EVI5L: variants seen among roughly 807,000 people sequenced by gnomAD.
EVI5L encodes EVI5-like protein.
Under a neutral mutation model 106.1 loss-of-function variants are expected in EVI5L, and 30 were observed. That is an observed-to-expected ratio of 0.28 (90% CI 0.21 to 0.38). The LOEUF is 0.38. Ranked by LOEUF, EVI5L falls within the 10% of genes least tolerant of loss-of-function variation. The pLI is 1.00. For synonymous variants in EVI5L, 489 were observed against 483.3 expected, an observed-to-expected ratio of 1.01 and a Z score of -0.15; for missense variants, 809 against 1,098.0, an observed-to-expected ratio of 0.74 and a Z score of 3.72.
chr19:7,862,962 C>A lies in EVI5L; in HGVS notation c.1948-10C>A. On this transcript the variant is annotated splice_polypyrimidine_tract_variant and intron_variant, in intron 17 of 19. Transcript: ENST00000538904. Reference sequence around the variant, plus strand: ...CCCGCCCTCCTTTCCCCCCAATCCCCCGACCCCAGAGCAAGGAGGAGGTGA... The same window carrying A: ...CCCGCCCTCCTTTCCCCCCAATCCCACGACCCCAGAGCAAGGAGGAGGTGA... 6.5e-7 allele frequency: 1 copy of A among 1,547,512 alleles called. No individual in the cohort carries two copies. The highest frequency in any genetic ancestry group is 1.2e-5 in the South Asian group (1 of 83,996).
chr19:7,862,950 C>A (rs754486009), intron 17 of EVI5L, 22 bp from the exon 18 acceptor site: 13 of 1,128,884 alleles, frequency 1.2e-5, no homozygotes, highest in Non-Finnish European at 1.7e-5. Context: ...GCCCTCCTTT[C>A]CCCCCAATCC....
Position 7,851,586 on chromosome 19 carries a change from C to T in EVI5L, c.897+9C>T, listed in dbSNP as rs201294179. On this transcript the variant is annotated intron_variant, in intron 7 of 19. Transcript: ENST00000538904. The stretch of plus-strand genomic sequence containing the variant: ...ACATCTTCATGTATGAGGTGAGGAC[C>T]GATGGTGCCTGGGGAGGGAAGAGAG... The T allele has an allele frequency of 2.2e-3, 3,487 of 1,608,882 alleles. 7 individuals are homozygous for T. Among genetic ancestry groups the T allele is most frequent in the Non-Finnish European group, 2.7e-3 (3,205 of 1,177,652 alleles).
At chr19:7,843,447 GGTGTGTGA>G (rs1978787316) in intron 1 of EVI5L, among the ~76,000 whole-genome samples, 1 of 95,412 alleles carries the variant, frequency 1.0e-5, no homozygotes, top group African/African-American at 4.0e-5. Context: ...TGTGTGTATG[GGTGTGTGA>G]GTGTGTGTGA....
intron 1 of EVI5L, among the ~76,000 whole-genome samples, chr19:7,832,648 T>C (rs1302142189): frequency 6.6e-6 from 1 of 152,110 alleles, no homozygotes; most frequent in Admixed American, 6.5e-5. Context: ...CCCAGGTCCC[T>C]GCGAGGGTCT....
chr19:7,853,194 G>C lies in EVI5L; in HGVS notation c.1085+11G>C. On this transcript the variant is annotated intron_variant, in intron 9 of 19. Coordinates refer to ENST00000538904, the MANE Select transcript of EVI5L (RefSeq NM_001159944.3). The stretch of plus-strand genomic sequence containing the variant: ...CAAGAAGATGAAGAGGTCGGTGCCT[G>C]CTGGGCAACCAGGGTACTGGTAAGA... The C allele has an allele frequency of 6.2e-7, 1 of 1,614,072 alleles. No individual in the cohort carries two copies. Among genetic ancestry groups the C allele is most frequent in the East Asian group, 2.2e-5 (1 of 44,876 alleles).
In EVI5L at chr19:7,862,488, C is replaced by T; in HGVS notation, c.1901C>T (p.Thr634Met). 1 of 1,581,398 alleles carries T rather than the reference C, an allele frequency of 6.3e-7. No homozygotes were observed. The highest frequency in any genetic ancestry group is 8.6e-7 in the Non-Finnish European group (1 of 1,165,114). ...GCTGCACAGAACAAGGGGCTGCAGA[C>T]GCAGCTCAGCGAAAGCCGCCGCAAG... ...YLAAQNKGLQ[T>M]QLSESRRKQA... The change falls in exon 17 of 20, where the codon ACG becomes ATG. Residue 634 changes from threonine to methionine, a missense_variant. By Grantham distance (81) the Thr-to-Met change is moderately conservative. Transcript: ENST00000538904.
chr19:7,855,114 CTTT>C (rs200195743), intron 10 of EVI5L, among the ~76,000 whole-genome samples: 7 of 132,618 alleles, frequency 5.3e-5, no homozygotes, highest in Non-Finnish European at 3.3e-5. Context: ...ATATCTTTTT[CTTT>C]TTTTTTTTTT....
rs920581372 is a variant in EVI5L, at chr19:7,846,452, T to G, written c.-47-44T>G. ...CCGAGGGTGGGCAGGCAGGATGGAG[T>G]GGGCTCCCACCCAATGCCGACCACG... is the stretch of plus-strand genomic sequence containing the variant. On this transcript the variant is annotated intron_variant, in intron 1 of 19. Coordinates refer to ENST00000538904, the MANE Select transcript of EVI5L (RefSeq NM_001159944.3). 1.9e-5 allele frequency: 28 copies of G among 1,470,414 alleles called. No individual in the cohort carries two copies. The Admixed American group carries it at 2.6e-4, about 13-fold the overall frequency. 91.1% of individuals were successfully genotyped at this position (1,470,414 alleles called of 1,614,324 possible). A position where few individuals can be genotyped will look rare whatever the true frequency, so the allele number is the denominator to read the frequency against.
In EVI5L at chr19:7,863,186, G is replaced by T; in HGVS notation, c.2045G>T (p.Arg682Met). The T allele has an allele frequency of 6.4e-7, 1 of 1,555,520 alleles. No individual in the cohort carries two copies. The highest frequency in any genetic ancestry group is 8.7e-7 in the Non-Finnish European group (1 of 1,149,832). ...RQRIAELEIQREEGRIQGQLN... is the reference protein window; with the variant it reads ...RQRIAELEIQMEEGRIQGQLN... ...CGCGTGACCTGGCGCACCCCGCAGAGGGAGGAAGGCCGCATCCAGGGCCAG... is the reference window on the plus strand; with the variant it reads ...CGCGTGACCTGGCGCACCCCGCAGATGGAGGAAGGCCGCATCCAGGGCCAG... Residue 682 changes from arginine (R) to methionine (M), a missense_variant and splice_region_variant, in exon 19 of 20, where the codon AGG becomes ATG. By Grantham distance (91) the Arg-to-Met change is moderately conservative (BLOSUM62 -1). Around this residue, in one of 2 missense-constraint regions of EVI5L, gnomAD observed 452 missense variants for 509.9 expected, o/e 0.89. Coordinates refer to ENST00000538904, the MANE Select transcript of EVI5L (RefSeq NM_001159944.3). The surrounding 1 kb of genome is among the most constrained non-coding windows in gnomAD (Gnocchi z 7.7).
At chr19:7,852,111 AT>A (rs1979280085) in intron 8 of EVI5L, among the ~76,000 whole-genome samples, 1 of 152,116 alleles carries the variant, frequency 6.6e-6, no homozygotes, top group African/African-American at 2.4e-5. Context: ...CCATGAGGGC[AT>A]CCCCACCCTG....
rs377128147 is a variant in EVI5L at position 7,849,333 on chromosome 19, A to G, written c.627+3A>G. On this transcript the variant is annotated splice_donor_region_variant and intron_variant, in intron 5 of 19. Transcript: ENST00000538904. ...TCGTGGGCCTGCTCCTCATGCAGGT[A>G]GGTGGCTGGGGGGTGGCTGGGCTCC... The G allele has an allele frequency of 2.4e-5, 39 of 1,613,950 alleles. No homozygotes were observed. The East Asian group carries it at 7.4e-4, about 30-fold the overall frequency.
Position 7,832,303 on chromosome 19 carries a change from C to T in EVI5L, c.-48+1922C>T, listed in dbSNP as rs189611461. 1.4e-4 allele frequency among the ~76,000 whole-genome samples: 22 copies of T among 152,302 alleles called. No individual in the cohort carries two copies. The East Asian group carries it at 2.9e-3, about 20-fold the overall frequency. On this transcript the variant is annotated intron_variant, in intron 1 of 19. Transcript: ENST00000538904. The stretch of plus-strand genomic sequence containing the variant: ...GCCAGGACTGCAGGGGGCGAGGAGC[C>T]GGGCCGGTCCAGTCCCGCGCAGCCT...
At chr19:7,849,175 T>C (rs1979112196) in intron 4 of EVI5L, 30 bp downstream of exon 4, 1 of 1,612,274 alleles carries the variant, frequency 6.2e-7, no homozygotes, top group African/African-American at 1.3e-5. Flanking sequence ...GCTCCCTCGG[T>C]CCCAAAGGAA....
Position 7,858,107 on chromosome 19 carries a change from C to A in EVI5L, c.1234-84C>A. 1 of 1,496,014 alleles carries A rather than the reference C, an allele frequency of 6.7e-7. No individual in the cohort carries two copies. Among genetic ancestry groups the A allele is most frequent in the Non-Finnish European group, 9.0e-7 (1 of 1,115,018 alleles). 92.7% of individuals were successfully genotyped at this position (1,496,014 alleles called of 1,614,324 possible). ...CTTCCCCCCACCTCCACTCTCTGGG[C>A]CTCCCCCTGTGGCGGGAGGCAGGGC... On this transcript the variant is annotated intron_variant, in intron 12 of 19. Transcript: ENST00000538904. This position sits in a 1 kb window ranked among gnomAD's most constrained non-coding sequence, Gnocchi z 5.7.
intron 1 of EVI5L, among the ~76,000 whole-genome samples, chr19:7,841,223 C>T (rs570052019): frequency 8.5e-5 from 13 of 152,138 alleles, no homozygotes; most frequent in African/African-American, 3.1e-4. Context: ...GCAACTTTGG[C>T]CAGTTCTTGA....
chr19:7,836,515 C>A (rs1484680538), intron 1 of EVI5L, among the ~76,000 whole-genome samples: 1 of 152,186 alleles, frequency 6.6e-6, no homozygotes, highest in Non-Finnish European at 1.5e-5. Context: ...AGTCAGAAAT[C>A]CAAGTTCAAA....
chr19:7,842,870 T>C (rs1012296316), intron 1 of EVI5L, among the ~76,000 whole-genome samples: 2 of 151,862 alleles, frequency 1.3e-5, no homozygotes, highest in Non-Finnish European at 2.9e-5. Flanking sequence ...TCCATGTGTA[T>C]GTGTGAATGT....
intron 10 of EVI5L, among the ~76,000 whole-genome samples, chr19:7,854,344 A>G (rs996112892): frequency 5.3e-5 from 8 of 152,234 alleles, no homozygotes; most frequent in Admixed American, 3.9e-4. Flanking sequence ...CTGTGTGCCA[A>G]AGTCACAGCT....
intron 1 of EVI5L, among the ~76,000 whole-genome samples, chr19:7,838,919 G>T (rs1568232794): frequency 6.6e-6 from 1 of 151,784 alleles, no homozygotes. Flanking sequence ...AACCCAGGAG[G>T]TCAAGTCTGC....
Sources: gnomAD v4.1 joint callset for allele counts (sites outside exome capture counted in the v4.1 genomes callset) on GRCh38, gnomAD v4.1.1 for gene constraint, gnomAD v4.1.1 regional missense constraint, Gnocchi (gnomAD v3.1) non-coding constraint, MANE v1.5 for transcripts, NCBI Gene and HGNC (gene_info 2026-07-23, HGNC 2026-07-21) for gene names.